The following FBXO46 variants were observed in gnomAD, a reference collection of about 807,000 sequenced individuals.
The protein encoded by FBXO46 is F-box protein 46.
In FBXO46, 13 loss-of-function variants were observed where a neutral mutation model predicts 30.7. That is an observed-to-expected ratio of 0.42 (90% confidence interval 0.28 to 0.67). The LOEUF is 0.67. FBXO46 is among the 30% of genes least tolerant of loss of function. FBXO46 has a pLI of 0.21. For missense variants in FBXO46, 754 were observed against 871.5 expected, an observed-to-expected ratio of 0.87 and a Z score of 1.70; for synonymous variants, 467 against 385.8, an observed-to-expected ratio of 1.21 and a Z score of -2.47.
intron 1 of FBXO46, among the ~76,000 whole-genome samples, chr19:45,721,103 C>A (rs1019204198): frequency 6.6e-6 from 1 of 152,022 alleles, no homozygotes; most frequent in African/African-American, 2.4e-5. Flanking sequence ...CCTGTAATCC[C>A]AGCACTTTGG....
At chr19:45,724,635 T>C (rs943364729) in intron 1 of FBXO46, among the ~76,000 whole-genome samples, 1 of 151,966 alleles carries the variant, frequency 6.6e-6, no homozygotes, top group Admixed American at 6.6e-5. Flanking sequence ...AGCAAGACCC[T>C]GTCTCTACAA....
chr19:45,728,279 C>A (rs564602355), intron 1 of FBXO46, among the ~76,000 whole-genome samples: 57 of 152,170 alleles, frequency 3.7e-4, no homozygotes, highest in Non-Finnish European at 7.2e-4. Flanking sequence ...GATTTAGGAG[C>A]CCAGAGGTGG....
intron 1 of FBXO46, chr19:45,714,789 G>C (rs1968065805): frequency 6.6e-6 from 1 of 152,214 alleles, no homozygotes; most frequent in Admixed American, 6.6e-5. Flanking sequence ...AGCTAGTTGG[G>C]AGGCTGAGGT....
chr19:45,719,914 G>A (rs1034389512), intron 1 of FBXO46, among the ~76,000 whole-genome samples: 2 of 152,144 alleles, frequency 1.3e-5, no homozygotes, highest in Non-Finnish European at 2.9e-5. Context: ...TTTTAATTTC[G>A]TGTTGAAGAT....
chr19:45,731,692 G>A (rs1201789179), upstream of FBXO46, among the ~76,000 whole-genome samples: 1 of 151,996 alleles, frequency 6.6e-6, no homozygotes. Flanking sequence ...CATACATTAG[G>A]AGTTAGTCCA....
chr19:45,714,510 G>A (rs534372810), intron 1 of FBXO46: 1 of 152,282 alleles, frequency 6.6e-6, no homozygotes, highest in African/African-American at 2.4e-5. Context: ...GGAGTAAGAG[G>A]GCCTGTTCTA....
intron 1 of FBXO46, among the ~76,000 whole-genome samples, chr19:45,728,313 TGA>T (rs755463467): frequency 6.6e-6 from 1 of 152,158 alleles, no homozygotes; most frequent in Non-Finnish European, 1.5e-5. Flanking sequence ...GGTGACAACA[TGA>T]GAGAGAAAGG....
rs1968006273 is a variant in FBXO46, at chr19:45,712,602, G to A, written c.894C>T (p.Ala298=). The A allele has an allele frequency of 6.3e-7, 1 of 1,592,148 alleles. No individual in the cohort carries two copies. Among genetic ancestry groups the A allele is most frequent in the Non-Finnish European group, 8.6e-7 (1 of 1,168,676 alleles). The change falls in exon 2 of 2, where the codon GCC becomes GCT. Residue 298 remains alanine, a synonymous_variant. Transcript: ENST00000317683. The surrounding 1 kb of genome is among the most constrained non-coding windows in gnomAD (Gnocchi z 8.8). The part of the protein sequence containing the change: ...CAYPGSPGPG[A]RAKDKITCDL... ...CACATGTGATCTTGTCCTTGGCTCG[G>A]GCCCCAGGACCTGGGCTGCCAGGGT...
Position 45,713,687 on chromosome 19 carries a change from G to A in FBXO46, c.-78-114C>T. The A allele has an allele frequency of 3.9e-6, 2 of 515,694 alleles. No individual in the cohort carries two copies. The highest frequency in any genetic ancestry group is 6.9e-6 in the Non-Finnish European group (2 of 289,686). 31.9% of individuals were successfully genotyped at this position (515,694 alleles called of 1,614,324 possible). A position where few individuals can be genotyped will look rare whatever the true frequency, so the allele number is the denominator to read the frequency against. On this transcript the variant is annotated intron_variant, in intron 1 of 1. Coordinates refer to ENST00000317683, the MANE Select transcript of FBXO46 (RefSeq NM_001080469.2). The surrounding 1 kb of genome is among the most constrained non-coding windows in gnomAD (Gnocchi z 4.7). ...CAGACCATCAAGAACTCTATTCCTGGCTGGGCGCGGTGGCTCACGCCTGTA... is the reference window on the plus strand; with the variant it reads ...CAGACCATCAAGAACTCTATTCCTGACTGGGCGCGGTGGCTCACGCCTGTA...
upstream of FBXO46, among the ~76,000 whole-genome samples, chr19:45,731,367 A>C (rs559007160): frequency 1.1e-4 from 15 of 142,312 alleles, no homozygotes; most frequent in African/African-American, 3.7e-4. Flanking sequence ...CCCAGGCTGG[A>C]GTGCAGTGGC....
rs374651411 is a variant in FBXO46 at position 45,713,310 on chromosome 19, A to G, written c.186T>C (p.Thr62=). ...HSENTPPALA[T]EVPASQPAPL... The stretch of plus-strand genomic sequence containing the variant: ...GAGCCGGCTGGGAGGCAGGGACCTC[A>G]GTGGCCAAGGCGGGTGGTGTGTTCT... The change falls in exon 2 of 2, where the codon ACT becomes ACC. Residue 62 remains threonine, a synonymous_variant. Coordinates refer to ENST00000317683, the MANE Select transcript of FBXO46 (RefSeq NM_001080469.2). The surrounding 1 kb of genome is among the most constrained non-coding windows in gnomAD (Gnocchi z 4.7). 42 of 1,613,488 alleles carry G rather than the reference A, an allele frequency of 2.6e-5. No homozygotes were observed. The African/African-American group carries it at 3.7e-4, about 14-fold the overall frequency.
chr19:45,723,540 T>G (rs1461055806), intron 1 of FBXO46: 1 of 152,278 alleles, frequency 6.6e-6, no homozygotes, highest in East Asian at 1.9e-4. Flanking sequence ...TTTTTCATTT[T>G]ATTTTTGTTT....
At chr19:45,716,004 A>G (rs1203451828) in intron 1 of FBXO46, 1 of 152,060 alleles carries the variant, frequency 6.6e-6, no homozygotes, top group Non-Finnish European at 1.5e-5. Flanking sequence ...ATCACTCCAC[A>G]GCCTCCAAAA....
intron 1 of FBXO46, chr19:45,714,675 A>G (rs545439766): frequency 1.1e-4 from 16 of 152,258 alleles, no homozygotes; most frequent in African/African-American, 3.6e-4. Context: ...CGAGGTGGGC[A>G]GATTGCTTGA....
chr19:45,732,128 A>AAG (rs1555781887), upstream of FBXO46, among the ~76,000 whole-genome samples: 21 of 151,176 alleles, frequency 1.4e-4, no homozygotes, highest in African/African-American at 4.9e-4. Flanking sequence ...AAAAAAAAAA[A>AAG]AAGAAGAAGA....
intron 1 of FBXO46, among the ~76,000 whole-genome samples, chr19:45,725,715 T>C (rs1404051086): frequency 6.6e-6 from 1 of 151,922 alleles, no homozygotes; most frequent in African/African-American, 2.4e-5. Context: ...ACCTGGGCAA[T>C]AGAGCCAGAC....
intron 1 of FBXO46, among the ~76,000 whole-genome samples, chr19:45,730,581 C>A (rs1256407288): frequency 1.3e-5 from 2 of 152,082 alleles, no homozygotes; most frequent in African/African-American, 4.8e-5. Flanking sequence ...GATGTCCAGC[C>A]CAGTCTCCAA....
In FBXO46 at chr19:45,728,649, A is replaced by G. The variant is rs193126693; in HGVS notation, c.-79+2200T>C. ...CTAGGAATTTGAGACCAGCCTGGGCAACAAAGTAAGACCCGCGTCTCTACA... is the reference window on the plus strand; with the variant it reads ...CTAGGAATTTGAGACCAGCCTGGGCGACAAAGTAAGACCCGCGTCTCTACA... On this transcript the variant is annotated intron_variant, in intron 1 of 1. Transcript: ENST00000317683. 5.8e-4 allele frequency among the ~76,000 whole-genome samples: 88 copies of G among 152,186 alleles called. 1 individual carries two copies. Among genetic ancestry groups the G allele is most frequent in the Non-Finnish European group, 1.0e-3 (70 of 67,990 alleles).
chr19:45,713,289 C>T lies in FBXO46; in HGVS notation c.207G>A (p.Pro69=), dbSNP rs760276284. The T allele has an allele frequency of 1.8e-5, 29 of 1,607,836 alleles. No individual in the cohort carries two copies. Among genetic ancestry groups the T allele is most frequent in the East Asian group, 1.8e-4 (8 of 44,888 alleles). Residue 69 remains proline, a synonymous_variant, in exon 2 of 2, where the codon CCG becomes CCA. Transcript: ENST00000317683. The surrounding 1 kb of genome is among the most constrained non-coding windows in gnomAD (Gnocchi z 4.7). ...CAGCTGCTGCTGAGAGGAGCGGAGC[C>T]GGCTGGGAGGCAGGGACCTCAGTGG... ...ALATEVPASQ[P]APLLSAAAAG...
Sources: allele counts gnomAD v4.1 joint callset (sites outside exome capture counted in the v4.1 genomes callset), GRCh38; gene constraint gnomAD v4.1.1; non-coding constraint Gnocchi (gnomAD v3.1); transcripts MANE v1.5; gene names NCBI Gene and HGNC (gene_info 2026-07-23, HGNC 2026-07-21).